USP28: variants seen among roughly 807,000 people sequenced by gnomAD.
USP28 encodes ubiquitin specific peptidase 28.
A neutral mutation model predicts 145.0 loss-of-function variants in USP28; 113 were observed. The observed-to-expected ratio is 0.78, with a 90% confidence interval of 0.67 to 0.91. The LOEUF (loss-of-function observed/expected upper bound fraction) is 0.91. Among genes scored for constraint, USP28 ranks in the 40% least tolerant of loss-of-function variants. USP28 has a pLI of 0.00. For missense variants in USP28, 1,201 were observed against 1,289.6 expected (o/e 0.93, Z 1.05); for synonymous variants, 447 against 450.9 (o/e 0.99, Z 0.11).
At chr11:113,809,317 G>C in intron 16 of USP28, 63 bp from the exon 17 acceptor site, 1 of 1,497,242 alleles carries the variant, frequency 6.7e-7, no homozygotes, top group Non-Finnish European at 9.1e-7. Flanking sequence ...TTTTAGAAAA[G>C]AAGAAAGCAG....
chr11:113,845,133 C>A (rs28849995), intron 3 of USP28, among the ~76,000 whole-genome samples: 2,579 of 131,792 alleles, frequency 0.02, 34 homozygotes, highest in Non-Finnish European at 0.027. Context: ...AAAAAAAAAA[C>A]AACAAAATAA....
At chr11:113,866,527 A>G (rs1002416862) in intron 1 of USP28, among the ~76,000 whole-genome samples, 11 of 152,358 alleles carry the variant, frequency 7.2e-5, no homozygotes, top group African/African-American at 2.2e-4. Flanking sequence ...TAAATAGTCA[A>G]TAAGTTTATG....
intron 5 of USP28, among the ~76,000 whole-genome samples, chr11:113,835,013 G>A (rs368435745): frequency 4.6e-5 from 7 of 152,318 alleles, no homozygotes; most frequent in African/African-American, 1.4e-4. Flanking sequence ...AAGGGAGGAT[G>A]TCACAACAGG....
exon 25 of USP28, chr11:113,798,423 AAAG>A (rs1938339478): frequency 6.6e-6 from 1 of 152,136 alleles, no homozygotes; most frequent in African/African-American, 2.4e-5. Flanking sequence ...AGAAAAAAAA[AAAG>A]AGCAAAAAAG....
At chr11:113,815,503 C>A in intron 13 of USP28, 121 bp from the exon 14 acceptor site, 1 of 902,908 alleles carries the variant, frequency 1.1e-6, no homozygotes, top group Non-Finnish European at 1.7e-6. Context: ...AGCATTAACT[C>A]TATAAAGGTA....
intron 4 of USP28, 107 bp downstream of exon 4, chr11:113,841,556 G>A (rs2513577): frequency 3.0e-6 from 2 of 675,634 alleles, no homozygotes; most frequent in Non-Finnish European, 4.9e-6. Context: ...TAAAAGAAAT[G>A]TCATTCAGGT....
chr11:113,869,406 G>A (rs1454483338), intron 1 of USP28, among the ~76,000 whole-genome samples: 1 of 152,170 alleles, frequency 6.6e-6, no homozygotes, highest in Non-Finnish European at 1.5e-5. Flanking sequence ...TCCATCCTGG[G>A]CAACAGACTG....
chr11:113,800,163 A>G (rs1938705775), intron 24 of USP28, among the ~76,000 whole-genome samples: 1 of 151,888 alleles, frequency 6.6e-6, no homozygotes, highest in African/African-American at 2.4e-5. Flanking sequence ...CCGCCACCAC[A>G]CCCGGCTAAT....
chr11:113,809,455 A>G (rs1022571503), intron 16 of USP28, among the ~76,000 whole-genome samples: 1 of 152,200 alleles, frequency 6.6e-6, no homozygotes, highest in Non-Finnish European at 1.5e-5. Flanking sequence ...AATTTTTTTC[A>G]TATTTTAGAA....
chr11:113,817,406 T>G (rs1428255247), intron 13 of USP28, among the ~76,000 whole-genome samples: 4 of 152,174 alleles, frequency 2.6e-5, no homozygotes, highest in Non-Finnish European at 1.5e-5. Flanking sequence ...CATCACTGGG[T>G]GGAGCCTGAA....
At chr11:113,799,294 T>C (rs755650219) in exon 25 of USP28, 3 of 1,614,078 alleles carry the variant, frequency 1.9e-6, no homozygotes, top group Non-Finnish European at 2.5e-6. Flanking sequence ...CAGCTGCAAA[T>C]CGGCTACATA....
intron 19 of USP28, among the ~76,000 whole-genome samples, chr11:113,806,088 C>T (rs1008926883): frequency 7.7e-6 from 1 of 129,528 alleles, no homozygotes; most frequent in Non-Finnish European, 1.7e-5. Context: ...GCTACCATGC[C>T]CAGCTAATTA....
intron 3 of USP28, among the ~76,000 whole-genome samples, chr11:113,845,623 G>T (rs79176357): frequency 0.12 from 18,149 of 152,146 alleles, 1,091 homozygotes; most frequent in Middle Eastern, 0.18. Flanking sequence ...ACCAGGGCTA[G>T]AGGGCAGTAG....
chr11:113,834,273 T>C (rs1373051469), exon 6 of USP28: 3 of 1,612,198 alleles, frequency 1.9e-6, no homozygotes, highest in Non-Finnish European at 2.5e-6. Context: ...AATTTTCAAG[T>C]ACATTTTGTG....
intron 15 of USP28, 23 bp downstream of exon 15, chr11:113,813,862 T>C: frequency 1.2e-6 from 2 of 1,602,460 alleles, no homozygotes; most frequent in South Asian, 1.1e-5. Context: ...CCTTGACTAC[T>C]TTCCCATCAA....
intron 19 of USP28, among the ~76,000 whole-genome samples, chr11:113,806,144 G>A (rs900476518): frequency 1.3e-5 from 2 of 151,738 alleles, no homozygotes; most frequent in Non-Finnish European, 2.9e-5. Context: ...TCACTATGTT[G>A]ACCCGGCTGG....
chr11:113,869,892 G>A (rs1948649458), intron 1 of USP28, among the ~76,000 whole-genome samples: 1 of 152,196 alleles, frequency 6.6e-6, no homozygotes, highest in South Asian at 2.1e-4. Flanking sequence ...TTTGGAGCCA[G>A]GTGTTCACGC....
intron 19 of USP28, among the ~76,000 whole-genome samples, chr11:113,805,280 G>C (rs1009331713): frequency 1.0e-4 from 14 of 140,680 alleles, no homozygotes; most frequent in Admixed American, 3.7e-4. Flanking sequence ...TTTTGAGACA[G>C]AGTATCACTT....
chr11:113,826,694 C>A (rs1216633899), intron 11 of USP28, among the ~76,000 whole-genome samples: 1 of 151,822 alleles, frequency 6.6e-6, no homozygotes, highest in African/African-American at 2.4e-5. Context: ...CCAAGGCAGG[C>A]GGATCACCTG....
Sources: gnomAD v4.1 joint callset for allele counts (sites outside exome capture counted in the v4.1 genomes callset) on GRCh38, gnomAD v4.1.1 for gene constraint, MANE v1.5 for transcripts, NCBI Gene and HGNC (gene_info 2026-07-23, HGNC 2026-07-21) for gene names.